CALN1: variants seen among roughly 807,000 people sequenced by gnomAD.
CALN1 encodes calneuron 1, also known as calcium-binding protein 8.
Under a neutral mutation model 30.6 loss-of-function variants are expected in CALN1, and 17 were observed. The ratio of observed to expected loss-of-function variants is 0.56; its 90% CI spans 0.38 to 0.83. CALN1 has a LOEUF of 0.83. Ranked by LOEUF, CALN1 falls within the 40% of genes least tolerant of loss-of-function variation. The pLI is 0.00. For synonymous variants in CALN1, 156 were observed against 131.4 expected (o/e 1.19, Z -1.28); for missense variants, 291 against 354.9 (o/e 0.82, Z 1.45).
intron 5 of CALN1, among the ~76,000 whole-genome samples, chr7:71,945,669 C>T (rs985113315): frequency 6.6e-6 from 1 of 152,150 alleles, no homozygotes; most frequent in African/African-American, 2.4e-5. Flanking sequence ...AATCTAATGC[C>T]TGATGATCTG....
the CALN1 span, among the ~76,000 whole-genome samples, chr7:72,500,374 G>A: frequency 0.58 from 82,885 of 142,136 alleles, 24,783 homozygotes; most frequent in African/African-American, 0.77. Flanking sequence ...TCCGCCTCCC[G>A]GGTTCAAGCA....
intron 2 of CALN1, among the ~76,000 whole-genome samples, chr7:72,290,283 T>C (rs977110882): frequency 8.6e-5 from 13 of 152,016 alleles, no homozygotes; most frequent in Non-Finnish European, 4.4e-5. Context: ...AACATGACAT[T>C]TTCCTGCAGC....
chr7:72,311,735 G>A (rs964982492), intron 2 of CALN1, among the ~76,000 whole-genome samples: 7 of 133,328 alleles, frequency 5.3e-5, no homozygotes, highest in Admixed American at 3.7e-4. Flanking sequence ...GAGCTCAAGC[G>A]ATCCACCTGC....
intron 3 of CALN1, among the ~76,000 whole-genome samples, chr7:72,234,309 G>T (rs955271444): frequency 1.3e-5 from 2 of 152,186 alleles, no homozygotes; most frequent in Non-Finnish European, 2.9e-5. Context: ...ACTCTGCCTA[G>T]ATTCCTCCAG....
chr7:72,020,045 AC>A (rs1425099942), intron 5 of CALN1, among the ~76,000 whole-genome samples: 1 of 152,056 alleles, frequency 6.6e-6, no homozygotes, highest in East Asian at 1.9e-4. Context: ...GTGAAAAGCT[AC>A]TTTTCCTATT....
intron 2 of CALN1, among the ~76,000 whole-genome samples, chr7:72,320,370 G>A (rs1800789371): frequency 6.6e-6 from 1 of 152,150 alleles, no homozygotes; most frequent in Admixed American, 6.5e-5. Context: ...AGGATTCAGG[G>A]AGCTCTATCT....
intron 4 of CALN1, among the ~76,000 whole-genome samples, chr7:72,037,502 A>C (rs1801873915): frequency 6.6e-6 from 1 of 152,236 alleles, no homozygotes; most frequent in Non-Finnish European, 1.5e-5. Context: ...CTGTTTAAAA[A>C]ATAAATAAAA....
intron 5 of CALN1, among the ~76,000 whole-genome samples, chr7:71,993,015 G>A (rs1187950207): frequency 9.6e-6 from 1 of 103,714 alleles, no homozygotes; most frequent in Non-Finnish European, 1.7e-5. Context: ...AGAACCATTG[G>A]AGAAGAAAGA....
chr7:71,882,415 A>G (rs1021277728), intron 5 of CALN1, among the ~76,000 whole-genome samples: 2 of 152,144 alleles, frequency 1.3e-5, no homozygotes, highest in Admixed American at 6.5e-5. Context: ...TCTACTGTGT[A>G]AGACAGCATA....
chr7:71,852,819 C>G (rs369195636), intron 5 of CALN1, among the ~76,000 whole-genome samples: 5 of 152,012 alleles, frequency 3.3e-5, no homozygotes, highest in African/African-American at 1.2e-4. Flanking sequence ...TGATGTTGTA[C>G]GTCTTTATAT....
chr7:72,456,194 AAAAG>A, the CALN1 span, among the ~76,000 whole-genome samples: 44 of 150,914 alleles, frequency 2.9e-4, no homozygotes, highest in African/African-American at 1.0e-3. Flanking sequence ...AAAAAAAAAA[AAAAG>A]AGAGAGAGAG....
chr7:71,871,734 T>A (rs760202881), intron 5 of CALN1, among the ~76,000 whole-genome samples: 9 of 152,122 alleles, frequency 5.9e-5, no homozygotes, highest in Non-Finnish European at 1.0e-4. Context: ...TTCCCATGAA[T>A]CACTCTCCTC....
At chr7:72,062,063 A>AT (rs1194717115) in intron 4 of CALN1, among the ~76,000 whole-genome samples, 1 of 152,240 alleles carries the variant, frequency 6.6e-6, no homozygotes, top group Non-Finnish European at 1.5e-5. Flanking sequence ...GAGCCAAGAG[A>AT]TAAAAAACTG....
intron 1 of CALN1, among the ~76,000 whole-genome samples, chr7:72,406,143 C>G (rs1244881613): frequency 6.6e-6 from 1 of 152,184 alleles, no homozygotes; most frequent in Admixed American, 6.5e-5. Flanking sequence ...AGCTGGCTCC[C>G]ATAGCCAGAA....
chr7:71,895,243 T>C (rs1793471632), intron 5 of CALN1, among the ~76,000 whole-genome samples: 1 of 152,150 alleles, frequency 6.6e-6, no homozygotes, highest in African/African-American at 2.4e-5. Flanking sequence ...ACATGAACCA[T>C]TGTGCCCGGC....
At chr7:72,199,686 A>C (rs1265350591) in intron 3 of CALN1, among the ~76,000 whole-genome samples, 1 of 152,158 alleles carries the variant, frequency 6.6e-6, no homozygotes, top group Non-Finnish European at 1.5e-5. Flanking sequence ...TCTCTACAAA[A>C]TATTTAAAAA....
At chr7:72,304,228 TA>T (rs1329639706) in intron 2 of CALN1, among the ~76,000 whole-genome samples, 1 of 152,018 alleles carries the variant, frequency 6.6e-6, no homozygotes, top group African/African-American at 2.4e-5. Flanking sequence ...ATTGGAAAAA[TA>T]AAAATGTGAC....
chr7:71,977,157 T>G (rs1798140344), intron 5 of CALN1, among the ~76,000 whole-genome samples: 1 of 152,210 alleles, frequency 6.6e-6, no homozygotes, highest in Non-Finnish European at 1.5e-5. Context: ...TCAATTCTAG[T>G]GCATTGGGCA....
intron 3 of CALN1, among the ~76,000 whole-genome samples, chr7:72,247,233 T>C (rs1382153778): frequency 1.4e-4 from 2 of 14,434 alleles, no homozygotes; most frequent in Non-Finnish European, 1.2e-4. Context: ...CTTTCTTTTT[T>C]TTTTTTTTTT....
Sources: allele counts gnomAD v4.1 joint callset (sites outside exome capture counted in the v4.1 genomes callset), GRCh38; gene constraint gnomAD v4.1.1; transcripts MANE v1.5; gene names NCBI Gene and HGNC (gene_info 2026-07-23, HGNC 2026-07-21).